Variants in LLGL2 observed in about 807,000 individuals in gnomAD.
LLGL2 encodes the protein LLGL2, scribble cell polarity complex component.
LLGL2 carries 81 observed loss-of-function variants against 123.2 expected under a neutral mutation model. The ratio of observed to expected loss-of-function variants is 0.66; its 90% CI spans 0.55 to 0.79. The LOEUF (loss-of-function observed/expected upper bound fraction) is 0.79. Ranked by LOEUF, LLGL2 falls within the 30% of genes least tolerant of loss-of-function variation. The pLI, the probability that LLGL2 is intolerant of heterozygous loss-of-function variation, is 0.00. For missense variants in LLGL2, 1,273 were observed against 1,414.6 expected (o/e 0.90, Z 1.61); for synonymous variants, 577 against 594.1 (o/e 0.97, Z 0.42).
At chr17:75,570,883 T>C in intron 16 of LLGL2, 67 bp from the exon 17 acceptor site, 1 of 1,524,670 alleles carries the variant, frequency 6.6e-7, no homozygotes, top group Non-Finnish European at 8.8e-7. Flanking sequence ...GGATCAGCAC[T>C]GAGCGAAGCA....
chr17:75,573,673 C>T (rs1286740616), intron 21 of LLGL2, 42 bp downstream of exon 21: 4 of 1,510,268 alleles, frequency 2.6e-6, no homozygotes, highest in African/African-American at 1.9e-5. Context: ...CCTCCCGCCC[C>T]TCCCTGCCCT....
At chr17:75,568,739 C>G (rs1433364905) in intron 11 of LLGL2, 33 bp from the exon 12 acceptor site, 1 of 1,612,902 alleles carries the variant, frequency 6.2e-7, no homozygotes, top group African/African-American at 1.3e-5. Context: ...GCAAGCCAAA[C>G]TCTCCCATGG....
chr17:75,525,895 A>G lies in LLGL2; in HGVS notation c.-31+70A>G, dbSNP rs2053546405. On this transcript the variant is annotated intron_variant, in intron 1 of 25. Transcript: ENST00000392550. This position sits in a 1 kb window ranked among gnomAD's most constrained non-coding sequence, Gnocchi z 4.8. ...GGCTTCCACCTGGGGCGGGGAGGCC[A>G]GGGAGGCCCAGGACCCCTGGGCTGT... is the stretch of plus-strand genomic sequence containing the variant. The G allele has an allele frequency of 6.6e-6, 1 of 150,998 alleles. No individual in the cohort carries two copies. Among genetic ancestry groups the G allele is most frequent in the South Asian group, 2.1e-4 (1 of 4,766 alleles). The allele number at this position is 150,998 out of a possible 1,614,324, so 9.4% of individuals were successfully genotyped here. A position where few individuals can be genotyped will look rare whatever the true frequency, so the allele number is the denominator to read the frequency against.
intron 10 of LLGL2, chr17:75,567,946 A>T: frequency 1.7e-6 from 1 of 591,396 alleles, no homozygotes; most frequent in Non-Finnish European, 2.1e-6. Flanking sequence ...CTGTCTCGAG[A>T]AAAGAAAAAA....
At chr17:75,530,818 GA>G (rs971571169) in intron 1 of LLGL2, among the ~76,000 whole-genome samples, 2 of 152,068 alleles carry the variant, frequency 1.3e-5, no homozygotes, top group Non-Finnish European at 2.9e-5. Context: ...CTCAAAAAGA[GA>G]AAAAAAGTCT....
chr17:75,574,912 C>G lies in LLGL2; in HGVS notation c.*34C>G. ...GCGTCCAGGCTGCGCGATGAGCACA[C>G]ACTACTACTGATGGCCTTTCGGGGG... On this transcript the variant is annotated 3_prime_UTR_variant, in exon 26 of 26. Transcript: ENST00000392550. 2 of 1,613,878 alleles carry G rather than the reference C, an allele frequency of 1.2e-6. No homozygotes were observed. The highest frequency in any genetic ancestry group is 1.1e-5 in the South Asian group (1 of 91,090).
In LLGL2 at chr17:75,569,307, G is replaced by A. The variant is rs1038372762; in HGVS notation, c.1563G>A (p.Val521=). 1.2e-6 allele frequency: 2 copies of A among 1,612,922 alleles called. No individual in the cohort carries two copies. The highest frequency in any genetic ancestry group is 1.7e-5 in the Admixed American group (1 of 60,014). The change falls in exon 14 of 26, where the codon GTG becomes GTA. Residue 521 remains valine, a synonymous_variant. Coordinates refer to ENST00000392550, the MANE Select transcript of LLGL2 (RefSeq NM_001031803.2). ...FLCKYSGYLA[V]AGTAGQVLVL... ...GCAAGTACAGCGGCTACCTGGCTGT[G>A]GCAGGCACGGCAGGGCAGGTAGCAG...
intron 2 of LLGL2, among the ~76,000 whole-genome samples, chr17:75,552,675 A>C (rs997986844): frequency 3.3e-5 from 5 of 152,162 alleles, no homozygotes; most frequent in African/African-American, 1.2e-4. Flanking sequence ...CTGTATTTAG[A>C]ATTTGGATGA....
At position 75,559,331 on chromosome 17, in the gene LLGL2, G is replaced by A. The variant is rs772972859; in HGVS notation, c.451G>A (p.Gly151Ser). Reference protein sequence around the residue: ...CELLYLGTESGNVFVVQLPAF... With the variant: ...CELLYLGTESSNVFVVQLPAF... Reference sequence around the variant, plus strand: ...GCTGCTCTACCTGGGCACCGAGAGTGGCAACGTGTTTGTGGTGCAGCTGCC... The same window carrying A: ...GCTGCTCTACCTGGGCACCGAGAGTAGCAACGTGTTTGTGGTGCAGCTGCC... Residue 151 changes from glycine (G) to serine (S), a missense_variant, in exon 6 of 26, where the codon GGC (glycine) becomes AGC (serine). By Grantham distance (56) the Gly-to-Ser change is moderately conservative. Coordinates refer to ENST00000392550, the MANE Select transcript of LLGL2 (RefSeq NM_001031803.2). The surrounding 1 kb of genome is among the most constrained non-coding windows in gnomAD (Gnocchi z 4.6). 3 of 1,613,632 alleles carry A rather than the reference G, an allele frequency of 1.9e-6. No individual in the cohort carries two copies. The highest frequency in any genetic ancestry group is 4.5e-5 in the East Asian group (2 of 44,868).
chr17:75,572,932 G>A, intron 19 of LLGL2, 82 bp from the exon 20 acceptor site: 3 of 1,495,070 alleles, frequency 2.0e-6, no homozygotes, highest in Non-Finnish European at 2.7e-6. Flanking sequence ...AGGCATGTGG[G>A]GAGGGGAGGG....
At chr17:75,543,208 G>GAA in intron 1 of LLGL2, 189 bp from the exon 2 acceptor site, 1 of 385,102 alleles carries the variant, frequency 2.6e-6, no homozygotes, top group East Asian at 4.1e-5. Flanking sequence ...TCAGCCCTGA[G>GAA]GTGGGCCGGC....
chr17:75,525,219 G>A (rs1207910694), upstream of LLGL2: 2 of 139,518 alleles, frequency 1.4e-5, no homozygotes, highest in Non-Finnish European at 3.1e-5. This position sits in a 1 kb window ranked among gnomAD's most constrained non-coding sequence, Gnocchi z 4.8. Flanking sequence ...GCGTCTCGCC[G>A]CGACGCCCCG....
Position 75,571,928 on chromosome 17 carries a change from C to T in LLGL2, c.2324C>T (p.Pro775Leu), listed in dbSNP as rs778958644. ...GAGATCCAGCTGATGCACCGGGCGC[C>T]GGTGGTGGGCATCCTGGTGCTCGAC... is the stretch of plus-strand genomic sequence containing the variant. ...AKEIQLMHRAPVVGILVLDGH... is the reference protein window; with the variant it reads ...AKEIQLMHRALVVGILVLDGH... The change falls in exon 19 of 26, where the codon CCG becomes CTG. Residue 775 changes from proline (P) to leucine (L), a missense_variant. By Grantham distance (98) the Pro-to-Leu change is moderately conservative. Transcript: ENST00000392550. The T allele has an allele frequency of 1.4e-5, 23 of 1,612,424 alleles. No homozygotes were observed. Among genetic ancestry groups the T allele is most frequent in the South Asian group, 4.4e-5 (4 of 91,078 alleles).
intron 1 of LLGL2, among the ~76,000 whole-genome samples, chr17:75,532,950 C>T (rs769229816): frequency 6.6e-6 from 1 of 152,146 alleles, no homozygotes; most frequent in Non-Finnish European, 1.5e-5. Context: ...TGGCAGATAC[C>T]TTTTCTAGTT....
chr17:75,572,966 G>A, intron 19 of LLGL2, 48 bp from the exon 20 acceptor site: 1 of 1,559,580 alleles, frequency 6.4e-7, no homozygotes, highest in South Asian at 1.2e-5. Context: ...GCACAGGGCA[G>A]GAGAACTGGT....
rs1380079073 is a variant in LLGL2 at position 75,558,823 on chromosome 17, CA to C, written c.371+197del. ...TGCAGCCTGCCTCCTCCATCCACAC[CA>C]CGCCTCCTCCATCCGCACCCCACCT... On this transcript the variant is annotated intron_variant, in intron 5 of 25. Coordinates refer to ENST00000392550, the MANE Select transcript of LLGL2 (RefSeq NM_001031803.2). This position sits in a 1 kb window ranked among gnomAD's most constrained non-coding sequence, Gnocchi z 4.0. Among the ~76,000 whole-genome samples, 28 of 121,884 alleles carry C rather than the reference CA, an allele frequency of 2.3e-4. 1 individual carries two copies. The highest frequency in any genetic ancestry group is 6.0e-4 in the Admixed American group (7 of 11,718). 80.0% of individuals were successfully genotyped at this position (121,884 alleles called of 152,430 possible).
chr17:75,546,646 CAGGTCCAGCAGACAGGCGGAGGG>C, intron 2 of LLGL2, among the ~76,000 whole-genome samples: 2 of 31,770 alleles, frequency 6.3e-5, no homozygotes, highest in Non-Finnish European at 9.8e-5. Context: ...AGGCGGAGGG[CAGGTCCAGCAGACAGGCGGAGGG>C]CAGGTCCAGC....
Position 75,549,506 on chromosome 17 carries a change from G to C in LLGL2, c.75+6005G>C, listed in dbSNP as rs1261204811. 1.3e-5 allele frequency among the ~76,000 whole-genome samples: 2 copies of C among 151,200 alleles called. No individual in the cohort carries two copies. Among genetic ancestry groups the C allele is most frequent in the African/African-American group, 2.4e-5 (1 of 41,298 alleles). ...CAAACAGTGTGTTCCTGACCCAGCA[G>C]CCCCTGCGGAGGGCCAGGTTGTTCT... On this transcript the variant is annotated intron_variant, in intron 2 of 25. Coordinates refer to ENST00000392550, the MANE Select transcript of LLGL2 (RefSeq NM_001031803.2). The surrounding 1 kb of genome is among the most constrained non-coding windows in gnomAD (Gnocchi z 4.0).
chr17:75,570,296 C>T, intron 15 of LLGL2, 41 bp downstream of exon 15: 1 of 1,599,698 alleles, frequency 6.3e-7, no homozygotes, highest in Non-Finnish European at 8.5e-7. Flanking sequence ...GGAGTGGGGC[C>T]CGCGAGGACT....
Sources: allele counts gnomAD v4.1 joint callset (sites outside exome capture counted in the v4.1 genomes callset), GRCh38; gene constraint gnomAD v4.1.1; non-coding constraint Gnocchi (gnomAD v3.1); transcripts MANE v1.5; gene names NCBI Gene and HGNC (gene_info 2026-07-23, HGNC 2026-07-21).